TENM3: variants seen among roughly 807,000 people sequenced by gnomAD.
TENM3 encodes the protein teneurin-3.
Under a neutral mutation model 255.1 loss-of-function variants are expected in TENM3, and 63 were observed. That is an observed-to-expected ratio of 0.25 (90% CI 0.20 to 0.30). The LOEUF (loss-of-function observed/expected upper bound fraction) is 0.30, where lower values mean the gene tolerates loss of function less well. Among genes scored for constraint, TENM3 ranks in the 10% least tolerant of loss-of-function variants. The probability of loss-of-function intolerance (pLI) is 1.00; values close to 1 mark genes in which losing one functional copy is unlikely to be tolerated. For missense variants in TENM3, 2,929 were observed against 3,461.1 expected (o/e 0.85, Z 3.86); for synonymous variants, 1,306 against 1,322.3 (o/e 0.99, Z 0.27).
At chr4:181,589,569 A>G in the TENM3 span, among the ~76,000 whole-genome samples, 1 of 152,160 alleles carries the variant, frequency 6.6e-6, no homozygotes, top group Non-Finnish European at 1.5e-5. Flanking sequence ...GCAAAATTTT[A>G]CCTCTACACT....
At chr4:181,772,928 G>A in the TENM3 span, among the ~76,000 whole-genome samples, 5 of 152,080 alleles carry the variant, frequency 3.3e-5, no homozygotes, top group South Asian at 1.0e-3. Flanking sequence ...TTCAGATAAG[G>A]GGATTTGTCA....
chr4:182,417,972 G>T lies in TENM3; in HGVS notation c.511+71043G>T, dbSNP rs539720681. ...ATGTCTGAAGATTTATGTGTACGTGGTTTTTTAATATCCCTAATTTTGAAA... is the reference window on the plus strand; with the variant it reads ...ATGTCTGAAGATTTATGTGTACGTGTTTTTTTAATATCCCTAATTTTGAAA... On this transcript the variant is annotated intron_variant, in intron 3 of 27. Transcript: ENST00000511685. Among the ~76,000 whole-genome samples the T allele has an allele frequency of 8.5e-5, 13 of 152,148 alleles. No individual in the cohort carries two copies. In the East Asian group the frequency reaches 2.5e-3, roughly 29 times the overall value.
At chr4:181,542,810 A>G in the TENM3 span, among the ~76,000 whole-genome samples, 1 of 152,172 alleles carries the variant, frequency 6.6e-6, no homozygotes, top group Admixed American at 6.5e-5. Context: ...AATTTCAAAT[A>G]TCTCCGCATG....
the TENM3 span, among the ~76,000 whole-genome samples, chr4:181,537,167 A>G: frequency 1.3e-5 from 2 of 152,016 alleles, no homozygotes; most frequent in East Asian, 3.9e-4. Flanking sequence ...GAGGCAGACT[A>G]AGGTTGGGCT....
At chr4:182,314,926 A>G (rs557291763) in intron 1 of TENM3, among the ~76,000 whole-genome samples, 36 of 151,982 alleles carry the variant, frequency 2.4e-4, no homozygotes, top group African/African-American at 8.7e-4. Context: ...CCCTTTCGTG[A>G]CTGTTAGTTA....
At chr4:182,625,275 G>A (rs891791409) in intron 4 of TENM3, among the ~76,000 whole-genome samples, 1 of 152,164 alleles carries the variant, frequency 6.6e-6, no homozygotes, top group African/African-American at 2.4e-5. Context: ...GGCCTGTTAG[G>A]AACTGGGCCA....
the TENM3 span, among the ~76,000 whole-genome samples, chr4:181,654,590 C>T: frequency 6.6e-6 from 1 of 151,840 alleles, no homozygotes; most frequent in African/African-American, 2.4e-5. Flanking sequence ...CCCGTCTCTA[C>T]CAAAAATACA....
chr4:181,485,203 A>T, the TENM3 span, among the ~76,000 whole-genome samples: 1 of 152,170 alleles, frequency 6.6e-6, no homozygotes, highest in African/African-American at 2.4e-5. Flanking sequence ...CGTAAATCAA[A>T]ACAAATTATT....
intron 3 of TENM3, among the ~76,000 whole-genome samples, chr4:182,402,432 T>C (rs990073980): frequency 2.6e-5 from 4 of 152,132 alleles, no homozygotes; most frequent in Non-Finnish European, 5.9e-5. Flanking sequence ...GTGCAGCTCT[T>C]CAAAACACTG....
the TENM3 span, among the ~76,000 whole-genome samples, chr4:181,973,967 G>A: frequency 6.6e-6 from 1 of 152,154 alleles, no homozygotes; most frequent in Non-Finnish European, 1.5e-5. Flanking sequence ...GGGGTAGGCT[G>A]GGAGAGCCTG....
rs1187956957 is a variant in TENM3 at position 182,799,797 on chromosome 4, A to G, written c.7546A>G (p.Ile2516Val). The stretch of plus-strand genomic sequence containing the variant: ...CCGCGTGCAGACCAACGTGCTCAAC[A>G]TCGCCAACGAGGACTGCATCAAGGT... The part of the protein sequence containing the change: ...QGRVQTNVLN[I>V]ANEDCIKVAA... Residue 2516 changes from isoleucine (I) to valine (V), a missense_variant, in exon 28 of 28, where the codon ATC (isoleucine) becomes GTC (valine). By Grantham distance (29) the Ile-to-Val change is conservative. Coordinates refer to ENST00000511685, the MANE Select transcript of TENM3 (RefSeq NM_001080477.4). The surrounding 1 kb of genome is among the most constrained non-coding windows in gnomAD (Gnocchi z 4.2). The G allele has an allele frequency of 1.2e-6, 2 of 1,604,960 alleles. No individual in the cohort carries two copies. The highest frequency in any genetic ancestry group is 2.7e-5 in the African/African-American group (2 of 74,756).
At chr4:181,605,777 T>C in the TENM3 span, among the ~76,000 whole-genome samples, 1 of 152,170 alleles carries the variant, frequency 6.6e-6, no homozygotes, top group Non-Finnish European at 1.5e-5. Flanking sequence ...ATTATTATAA[T>C]CTAATAAGTG....
At chr4:182,140,992 C>T (rs1453491887), upstream of TENM3, among the ~76,000 whole-genome samples, 2 of 148,816 alleles carry the variant, frequency 1.3e-5, no homozygotes, top group African/African-American at 5.0e-5. Context: ...TATATCCCTC[C>T]CCCCCGCCCC....
the TENM3 span, among the ~76,000 whole-genome samples, chr4:182,015,379 G>C: frequency 6.6e-6 from 1 of 152,206 alleles, no homozygotes; most frequent in African/African-American, 2.4e-5. Flanking sequence ...ATGGAGGAAA[G>C]AAAGGTCGCA....
At chr4:182,329,943 C>G (rs2150544682) in intron 2 of TENM3, among the ~76,000 whole-genome samples, 1 of 152,042 alleles carries the variant, frequency 6.6e-6, no homozygotes, top group Admixed American at 6.5e-5. Flanking sequence ...AGAGCGTTTA[C>G]AAGGTGCCAC....
chr4:182,374,927 C>T (rs1432669439), intron 3 of TENM3, among the ~76,000 whole-genome samples: 2 of 152,100 alleles, frequency 1.3e-5, no homozygotes, highest in African/African-American at 4.8e-5. Flanking sequence ...CTTGCAATTC[C>T]TGTGAAGACA....
rs757662848 is a variant in TENM3, at chr4:182,789,055, A to G, written c.5305-38A>G. The G allele has an allele frequency of 2.6e-6, 4 of 1,548,002 alleles. No individual in the cohort carries two copies. The South Asian group carries it at 4.9e-5, about 19-fold the overall frequency. ...TACTGGGGACTCCGGTGTTGGAATA[A>G]CATGATTTATTTTATCATCTTGTTG... On this transcript the variant is annotated intron_variant, in intron 24 of 27. Coordinates refer to ENST00000511685, the MANE Select transcript of TENM3 (RefSeq NM_001080477.4). The surrounding 1 kb of genome is among the most constrained non-coding windows in gnomAD (Gnocchi z 4.4).
At chr4:182,117,641 G>A in the TENM3 span, among the ~76,000 whole-genome samples, 1 of 152,090 alleles carries the variant, frequency 6.6e-6, no homozygotes, top group African/African-American at 2.4e-5. Context: ...TTTCTATTCT[G>A]TTCCATAGAT....
At chr4:182,371,809 C>T (rs1359417878) in intron 3 of TENM3, among the ~76,000 whole-genome samples, 1 of 152,172 alleles carries the variant, frequency 6.6e-6, no homozygotes, top group Non-Finnish European at 1.5e-5. Flanking sequence ...TTTCTTTCAA[C>T]TTGCAGTTCT....
Sources: gnomAD v4.1 joint callset for allele counts (sites outside exome capture counted in the v4.1 genomes callset) on GRCh38, gnomAD v4.1.1 for gene constraint, Gnocchi (gnomAD v3.1) non-coding constraint, MANE v1.5 for transcripts, NCBI Gene and HGNC (gene_info 2026-07-23, HGNC 2026-07-21) for gene names.